DYNC1I1: variants seen among roughly 807,000 people sequenced by gnomAD.
DYNC1I1 encodes the protein dynein cytoplasmic 1 intermediate chain 1.
DYNC1I1 carries 43 observed loss-of-function variants against 86.6 expected under a neutral mutation model. That is an observed-to-expected ratio of 0.50 (90% CI 0.39 to 0.64). DYNC1I1 has a LOEUF of 0.64. Ranked by LOEUF, DYNC1I1 falls within the 30% of genes least tolerant of loss-of-function variation. DYNC1I1 has a pLI of 0.00. For synonymous variants in DYNC1I1, 262 were observed against 283.7 expected, an observed-to-expected ratio of 0.92 and a Z score of 0.77; for missense variants, 604 against 788.8, an observed-to-expected ratio of 0.77 and a Z score of 2.81.
At chr7:96,025,839 GC>G (rs1794665859) in intron 10 of DYNC1I1, among the ~76,000 whole-genome samples, 1 of 111,854 alleles carries the variant, frequency 8.9e-6, no homozygotes, top group Non-Finnish European at 1.8e-5. Flanking sequence ...GTACAAGCTT[GC>G]GGGGGGGGGA....
intron 1 of DYNC1I1, among the ~76,000 whole-genome samples, chr7:95,774,988 A>G (rs1183443780): frequency 2.6e-5 from 4 of 152,212 alleles, no homozygotes; most frequent in African/African-American, 9.6e-5. Context: ...TATTCTCCCT[A>G]CACTTGAAAC....
rs1248451014 is a variant in DYNC1I1, at chr7:95,987,075, A to T, written c.763A>T (p.Asn255Tyr). 2 of 1,613,910 alleles carry T rather than the reference A, an allele frequency of 1.2e-6. No individual in the cohort carries two copies. The highest frequency in any genetic ancestry group is 3.3e-5 in the Admixed American group (2 of 60,020). ...EKDGDVQAGA[N>Y]LSFNRQFYDE... ...TCCTAGGGATGTTCAGGCTGGAGCCAATCTTTCTTTCAATCGTCAGTTCTA... is the reference window on the plus strand; with the variant it reads ...TCCTAGGGATGTTCAGGCTGGAGCCTATCTTTCTTTCAATCGTCAGTTCTA... Residue 255 changes from asparagine to tyrosine, a missense_variant, in exon 9 of 17, where the codon AAT becomes TAT. Asn to Tyr is a moderately radical substitution (Grantham distance 143). Coordinates refer to ENST00000447467, the MANE Select transcript of DYNC1I1 (RefSeq NM_001135556.2).
intron 1 of DYNC1I1, among the ~76,000 whole-genome samples, chr7:95,803,421 T>C (rs917411210): frequency 2.6e-5 from 4 of 152,266 alleles, no homozygotes; most frequent in South Asian, 2.1e-4. Flanking sequence ...AGTGTGATCA[T>C]GAGTGGCACA....
At position 95,899,402 on chromosome 7, in the gene DYNC1I1, T is replaced by C. The variant is rs1790975784; in HGVS notation, c.490+29404T>C. ...CATGGGCCATGAAATCTGAATCTTC[T>C]GTTGGTCACTCTTGGGCTGAAATGA... On this transcript the variant is annotated intron_variant, in intron 6 of 16. Coordinates refer to ENST00000447467, the MANE Select transcript of DYNC1I1 (RefSeq NM_001135556.2). 2.0e-5 allele frequency among the ~76,000 whole-genome samples: 3 copies of C among 152,334 alleles called. No individual in the cohort carries two copies. In the South Asian group the frequency reaches 6.2e-4, roughly 32 times the overall value.
chr7:95,825,208 T>C (rs1795178805), intron 4 of DYNC1I1, among the ~76,000 whole-genome samples: 3 of 152,206 alleles, frequency 2.0e-5, no homozygotes, highest in Admixed American at 2.0e-4. Context: ...GTGGACTTTT[T>C]AAGTGGATGA....
chr7:95,813,348 T>A lies in DYNC1I1; in HGVS notation c.314+11T>A. ...GGGGCCATTAACAAGGTAAGAATTG[T>A]CCCTTTAAAAGGCCATGATGGGTGT... On this transcript the variant is annotated intron_variant, in intron 4 of 16. Transcript: ENST00000447467. The A allele has an allele frequency of 6.2e-7, 1 of 1,604,672 alleles. No individual in the cohort carries two copies.
At chr7:96,040,886 C>G (rs1748879717) in intron 14 of DYNC1I1, among the ~76,000 whole-genome samples, 1 of 151,986 alleles carries the variant, frequency 6.6e-6, no homozygotes, top group South Asian at 2.1e-4. Context: ...CCATGCCCAC[C>G]TAATTTTTGT....
intron 6 of DYNC1I1, among the ~76,000 whole-genome samples, chr7:95,889,569 T>C (rs1790683109): frequency 6.6e-6 from 1 of 152,048 alleles, no homozygotes; most frequent in South Asian, 2.1e-4. Flanking sequence ...CCAAAAACAA[T>C]TGCAAAAAAG....
intron 14 of DYNC1I1, among the ~76,000 whole-genome samples, chr7:96,074,057 G>T (rs1334082742): frequency 2.0e-5 from 3 of 152,060 alleles, no homozygotes; most frequent in Admixed American, 2.0e-4. Flanking sequence ...ACATACTTTG[G>T]CATAAAAGAA....
intron 11 of DYNC1I1, among the ~76,000 whole-genome samples, chr7:96,030,881 C>G (rs1342459229): frequency 6.6e-6 from 1 of 152,116 alleles, no homozygotes; most frequent in Non-Finnish European, 1.5e-5. Flanking sequence ...ATCCCACAAC[C>G]AGTCAGCCTT....
chr7:96,070,126 T>G (rs1790115949), intron 14 of DYNC1I1, among the ~76,000 whole-genome samples: 1 of 152,190 alleles, frequency 6.6e-6, no homozygotes. Flanking sequence ...CCACAGAAGT[T>G]AAGATAAATA....
intron 2 of DYNC1I1, among the ~76,000 whole-genome samples, chr7:95,805,323 A>G (rs1191091455): frequency 6.6e-6 from 1 of 152,166 alleles, no homozygotes; most frequent in Non-Finnish European, 1.5e-5. Context: ...TTAGAAAACT[A>G]TGCCAATGGA....
chr7:96,025,470 G>A (rs1363734081), intron 10 of DYNC1I1, among the ~76,000 whole-genome samples: 1 of 151,810 alleles, frequency 6.6e-6, no homozygotes, highest in African/African-American at 2.4e-5. Flanking sequence ...TGGTTATATT[G>A]TAAAAATAGG....
At chr7:95,916,656 A>AT (rs1229520221) in intron 6 of DYNC1I1, among the ~76,000 whole-genome samples, 1 of 152,012 alleles carries the variant, frequency 6.6e-6, no homozygotes, top group Non-Finnish European at 1.5e-5. Flanking sequence ...GTGACCATTC[A>AT]TTGTTTTTTT....
intron 14 of DYNC1I1, among the ~76,000 whole-genome samples, chr7:96,043,424 G>A (rs1301143814): frequency 6.6e-6 from 1 of 151,744 alleles, no homozygotes; most frequent in Non-Finnish European, 1.5e-5. Flanking sequence ...ACACCACAGG[G>A]ATGCAATCAA....
intron 4 of DYNC1I1, among the ~76,000 whole-genome samples, chr7:95,819,813 A>G (rs1795034617): frequency 6.6e-6 from 1 of 152,180 alleles, no homozygotes; most frequent in African/African-American, 2.4e-5. Flanking sequence ...TTTTCTCTTT[A>G]TGCAGCACAA....
intron 6 of DYNC1I1, among the ~76,000 whole-genome samples, chr7:95,903,725 G>T (rs114215415): frequency 0.01 from 1,581 of 152,284 alleles, 17 homozygotes; most frequent in African/African-American, 0.036. Context: ...CAACTCTGTG[G>T]GGAAAGTTCA....
chr7:95,829,941 G>A (rs755386385), intron 5 of DYNC1I1, among the ~76,000 whole-genome samples: 6 of 152,000 alleles, frequency 3.9e-5, no homozygotes, highest in Non-Finnish European at 7.4e-5. Context: ...CCCACTGTAG[G>A]TATAAAAGGA....
chr7:96,098,488 A>G, downstream of DYNC1I1: 1 of 912,808 alleles, frequency 1.1e-6, no homozygotes, highest in South Asian at 5.1e-5. Flanking sequence ...CTGCTGGGAC[A>G]AGAGATGGGA....
Sources: allele counts gnomAD v4.1 joint callset (sites outside exome capture counted in the v4.1 genomes callset), GRCh38; gene constraint gnomAD v4.1.1; transcripts MANE v1.5; gene names NCBI Gene and HGNC (gene_info 2026-07-23, HGNC 2026-07-21).